Variants in DLC1 observed in about 807,000 individuals in gnomAD.
DLC1 encodes rho GTPase-activating protein 7.
A neutral mutation model predicts 140.3 loss-of-function variants in DLC1; 54 were observed. The observed-to-expected ratio is 0.38, with a 90% CI of 0.31 to 0.48. The LOEUF is 0.48. Among genes scored for constraint, DLC1 ranks in the 20% least tolerant of loss-of-function variants. DLC1 has a pLI of 0.96. For synonymous variants in DLC1, 986 were observed against 728.1 expected (o/e 1.35, Z -5.70); for missense variants, 2,536 against 1,907.0 (o/e 1.33, Z -6.14).
intron 4 of DLC1, among the ~76,000 whole-genome samples, chr8:13,344,079 C>G (rs1251811448): frequency 6.6e-6 from 1 of 152,172 alleles, no homozygotes; most frequent in Non-Finnish European, 1.5e-5. Flanking sequence ...GTCCTACAAA[C>G]TATTCATTTA....
chr8:13,091,777 G>A (rs1351948811), intron 13 of DLC1, among the ~76,000 whole-genome samples: 1 of 152,088 alleles, frequency 6.6e-6, no homozygotes, highest in Non-Finnish European at 1.5e-5. Flanking sequence ...CCAGGGAGTT[G>A]GAGTAAAGGG....
intron 2 of DLC1, among the ~76,000 whole-genome samples, chr8:13,415,190 A>T (rs549008829): frequency 6.6e-6 from 1 of 152,020 alleles, no homozygotes; most frequent in Non-Finnish European, 1.5e-5. Context: ...CACTTTAGTG[A>T]TTTTATTTAG....
chr8:13,479,835 G>GGAAAAGAAAGAAAGAA lies in DLC1; in HGVS notation c.1023+19213_1023+19214insTTCTTTCTTTCTTTTC, dbSNP rs1800615632. 5.1e-5 allele frequency among the ~76,000 whole-genome samples: 2 copies of GGAAAAGAAAGAAAGAA among 39,462 alleles called. 1 individual carries two copies. Among genetic ancestry groups the GGAAAAGAAAGAAAGAA allele is most frequent in the Non-Finnish European group, 1.0e-4 (2 of 19,784 alleles). The allele number at this position is 39,462 out of a possible 152,430, so 25.9% of individuals were successfully genotyped here. ...AGAAGAAGAAGAAGAAGAAGAAGAAGAAGAAGAAGAAGAAGAAGAAGAAGA... is the reference window on the plus strand; with the variant it reads ...AGAAGAAGAAGAAGAAGAAGAAGAAGGAAAAGAAAGAAAGAAAAGAAGAAGAAGAAGAAGAAGAAGA... On this transcript the variant is annotated intron_variant, in intron 2 of 17. Coordinates refer to ENST00000276297, the MANE Select transcript of DLC1 (RefSeq NM_182643.3).
At chr8:13,553,292 G>T (rs1483131691) in intron 1 of DLC1, among the ~76,000 whole-genome samples, 5 of 135,910 alleles carry the variant, frequency 3.7e-5, no homozygotes, top group Non-Finnish European at 7.7e-5. Context: ...AACTTTCTGT[G>T]CTCCTATATA....
In DLC1 at chr8:13,436,972, C is replaced by A. The variant is rs1043828282; in HGVS notation, c.1024-35353G>T. Among the ~76,000 whole-genome samples the A allele has an allele frequency of 3.3e-5, 5 of 152,140 alleles. No individual in the cohort carries two copies. In the South Asian group the frequency reaches 1.0e-3, roughly 32 times the overall value. ...TGGGAAAAAATGAATCTATAAATAT[C>A]TATGCTTATTTAACACCTTTGGTTT... On this transcript the variant is annotated intron_variant, in intron 2 of 17. Coordinates refer to ENST00000276297, the MANE Select transcript of DLC1 (RefSeq NM_182643.3).
intron 5 of DLC1, among the ~76,000 whole-genome samples, chr8:13,221,468 T>G (rs928796587): frequency 6.6e-6 from 1 of 151,534 alleles, no homozygotes; most frequent in Non-Finnish European, 1.5e-5. Flanking sequence ...ACTCCTGGGT[T>G]CAAGCTATTC....
At chr8:13,456,452 T>G (rs965159288) in intron 2 of DLC1, among the ~76,000 whole-genome samples, 6 of 140,832 alleles carry the variant, frequency 4.3e-5, no homozygotes, top group African/African-American at 1.8e-4. Flanking sequence ...CTTCCTTTTT[T>G]ATTTTTTTTT....
At chr8:13,466,041 C>G (rs903966516) in intron 2 of DLC1, among the ~76,000 whole-genome samples, 14 of 152,200 alleles carry the variant, frequency 9.2e-5, no homozygotes, top group African/African-American at 3.4e-4. Context: ...ACCTACTTGA[C>G]TCACCCCACT....
chr8:13,370,170 G>A (rs1418770296), intron 4 of DLC1, among the ~76,000 whole-genome samples: 1 of 151,748 alleles, frequency 6.6e-6, no homozygotes, highest in Non-Finnish European at 1.5e-5. Context: ...AAAGGCCACA[G>A]CTCACCCATT....
intron 2 of DLC1, among the ~76,000 whole-genome samples, chr8:13,451,560 G>A (rs905515530): frequency 6.6e-6 from 1 of 152,072 alleles, no homozygotes; most frequent in Non-Finnish European, 1.5e-5. Context: ...TACACTCTAT[G>A]TCCATGAATT....
rs1444315059 is a variant in DLC1 at position 13,083,717 on chromosome 8, T to G, written c.*2094A>C. The G allele has an allele frequency of 6.5e-6, 1 of 152,684 alleles. No individual in the cohort carries two copies. The highest frequency in any genetic ancestry group is 1.5e-5 in the Non-Finnish European group (1 of 68,060). 9.5% of individuals were successfully genotyped at this position (152,684 alleles called of 1,614,324 possible). A position where few individuals can be genotyped will look rare whatever the true frequency, so the allele number is the denominator to read the frequency against. On this transcript the variant is annotated 3_prime_UTR_variant, in exon 18 of 18. Transcript: ENST00000276297. Reference sequence around the variant, plus strand: ...GGACCTTTGTTGGAGAGAATCTCCGTGCTTCCTGAACCTTCACCAGGGTTT... The same window carrying G: ...GGACCTTTGTTGGAGAGAATCTCCGGGCTTCCTGAACCTTCACCAGGGTTT...
intron 1 of DLC1, among the ~76,000 whole-genome samples, chr8:13,547,683 C>G (rs555367829): frequency 2.0e-5 from 3 of 152,046 alleles, no homozygotes; most frequent in African/African-American, 7.2e-5. Flanking sequence ...ATCATTTTAT[C>G]TAGCTATTTG....
intron 5 of DLC1, among the ~76,000 whole-genome samples, chr8:13,161,877 T>A (rs1336376935): frequency 6.6e-6 from 1 of 152,228 alleles, no homozygotes; most frequent in East Asian, 1.9e-4. Context: ...CGTAGTATTT[T>A]TAGACATAAG....
At chr8:13,396,825 A>G (rs907418818) in intron 3 of DLC1, among the ~76,000 whole-genome samples, 2 of 152,128 alleles carry the variant, frequency 1.3e-5, no homozygotes, top group Non-Finnish European at 2.9e-5. Flanking sequence ...AGCTCTCCCA[A>G]AATCTCTCAC....
At chr8:13,190,271 C>A (rs969839505) in intron 5 of DLC1, among the ~76,000 whole-genome samples, 2 of 152,058 alleles carry the variant, frequency 1.3e-5, no homozygotes, top group African/African-American at 4.8e-5. Context: ...GCTGTGGCTA[C>A]CCTCTTGGCC....
At chr8:13,485,130 C>T (rs1416703237) in intron 2 of DLC1, among the ~76,000 whole-genome samples, 2 of 152,086 alleles carry the variant, frequency 1.3e-5, no homozygotes, top group Admixed American at 6.5e-5. Context: ...AACATGGCTT[C>T]GTAGCTCCTT....
chr8:13,602,654 A>AT (rs1185375358), intron 1 of DLC1, among the ~76,000 whole-genome samples: 3 of 151,880 alleles, frequency 2.0e-5, no homozygotes, highest in Non-Finnish European at 2.9e-5. Context: ...TGCTCTGTAC[A>AT]TTTTTTGTAT....
intron 5 of DLC1, among the ~76,000 whole-genome samples, chr8:13,185,995 T>G (rs1585865542): frequency 2.0e-5 from 3 of 152,246 alleles, no homozygotes; most frequent in East Asian, 3.8e-4. Flanking sequence ...TTCTGGCTTG[T>G]AGGGTTTCTG....
intron 1 of DLC1, among the ~76,000 whole-genome samples, chr8:13,526,003 G>A (rs1802911843): frequency 6.6e-6 from 1 of 152,048 alleles, no homozygotes; most frequent in Admixed American, 6.6e-5. Context: ...TTTTTATATG[G>A]TGAAAGTATG....
Sources: gnomAD v4.1 joint callset for allele counts (sites outside exome capture counted in the v4.1 genomes callset) on GRCh38, gnomAD v4.1.1 for gene constraint, MANE v1.5 for transcripts, NCBI Gene and HGNC (gene_info 2026-07-23, HGNC 2026-07-21) for gene names.